The following LNPEP variants were observed in gnomAD, a reference collection of about 807,000 sequenced individuals.
LNPEP encodes the protein leucyl-cystinyl aminopeptidase.
In LNPEP, 64 loss-of-function variants were observed where a neutral mutation model predicts 120.6. The ratio of observed to expected loss-of-function variants is 0.53; its 90% CI spans 0.43 to 0.65. The LOEUF is 0.65. LNPEP is among the 30% of genes least tolerant of loss of function. The probability of loss-of-function intolerance (pLI) is 0.00; values close to 1 mark genes in which losing one functional copy is unlikely to be tolerated. For missense variants in LNPEP, 1,057 were observed against 1,200.0 expected (o/e 0.88, Z 1.76); for synonymous variants, 435 against 425.4 (o/e 1.02, Z -0.28).
chr5:96,998,243 A>T, intron 8 of LNPEP, 98 bp downstream of exon 8: 2 of 981,906 alleles, frequency 2.0e-6, no homozygotes, highest in Non-Finnish European at 3.0e-6. Context: ...TTAAAGATTA[A>T]ATGTTTTTCA....
chr5:97,026,767 TC>T lies in LNPEP; in HGVS notation c.2864+11del. The stretch of plus-strand genomic sequence containing the variant: ...ATAAGCTTGTACAGAAGTAAGTTTC[TC>T]AGAGAATTATTAACTTTTAGTATTC... On this transcript the variant is annotated intron_variant, in intron 16 of 17. Coordinates refer to ENST00000231368, the MANE Select transcript of LNPEP (RefSeq NM_005575.3). 6.2e-7 allele frequency: 1 copy of T among 1,606,072 alleles called. No individual in the cohort carries two copies. Among genetic ancestry groups the T allele is most frequent in the Non-Finnish European group, 8.5e-7 (1 of 1,175,240 alleles).
chr5:96,954,687 T>C (rs867063558), intron 1 of LNPEP, among the ~76,000 whole-genome samples: 15 of 56,826 alleles, frequency 2.6e-4, no homozygotes, highest in East Asian at 9.0e-4. Flanking sequence ...CATATATACA[T>C]ATATACACAT....
chr5:96,978,320 A>G (rs1166719547), intron 1 of LNPEP, among the ~76,000 whole-genome samples: 1 of 152,148 alleles, frequency 6.6e-6, no homozygotes, highest in Non-Finnish European at 1.5e-5. Context: ...GAGATCCACT[A>G]ACACTCATGG....
intron 1 of LNPEP, among the ~76,000 whole-genome samples, chr5:96,948,457 A>G (rs1314185367): frequency 1.3e-5 from 2 of 152,166 alleles, no homozygotes; most frequent in Non-Finnish European, 2.9e-5. Context: ...GCTCCCATTA[A>G]TAAGTATTTT....
At chr5:96,945,958 C>A (rs6871162) in intron 1 of LNPEP, among the ~76,000 whole-genome samples, 61,328 of 151,998 alleles carry the variant, frequency 0.4, 12,451 homozygotes, top group Non-Finnish European at 0.43. Flanking sequence ...TGGTAAAGTG[C>A]TTTGAAGACA....
rs1173579568 is a variant in LNPEP at position 96,954,745 on chromosome 5, T to TACACAC, written c.19+18576_19+18577insCACACA. On this transcript the variant is annotated intron_variant, in intron 1 of 17. Coordinates refer to ENST00000231368, the MANE Select transcript of LNPEP (RefSeq NM_005575.3). The stretch of plus-strand genomic sequence containing the variant: ...ATACATATATATATACATATATATA[T>TACACAC]ACACATATATATATATATATATATA... Among the ~76,000 whole-genome samples the TACACAC allele has an allele frequency of 6.4e-3, 306 of 47,872 alleles. 47 individuals are homozygous for TACACAC. The highest frequency in any genetic ancestry group is 0.018 in the South Asian group (31 of 1,770). The allele number at this position is 47,872 out of a possible 152,430, so 31.4% of individuals were successfully genotyped here.
rs115260434 is a variant in LNPEP at position 97,014,870 on chromosome 5, C to G, written c.2220-69C>G. Reference sequence around the variant, plus strand: ...ACTCACCATCTAACCCTAAGTTTCTCTTTTAGCATGCATAGACTTCTTCTG... The same window carrying G: ...ACTCACCATCTAACCCTAAGTTTCTGTTTTAGCATGCATAGACTTCTTCTG... On this transcript the variant is annotated intron_variant, in intron 12 of 17. Transcript: ENST00000231368. 1,016 of 1,167,532 alleles carry G rather than the reference C, an allele frequency of 8.7e-4. 8 individuals carry two copies. The African/African-American group carries it at 0.014, about 16-fold the overall frequency. The allele number at this position is 1,167,532 out of a possible 1,614,324, so 72.3% of individuals were successfully genotyped here. A position where few individuals can be genotyped will look rare whatever the true frequency, so the allele number is the denominator to read the frequency against.
At position 96,952,628 on chromosome 5, in the gene LNPEP, C is replaced by T. The variant is rs1789350444; in HGVS notation, c.19+16454C>T. Among the ~76,000 whole-genome samples, 2 of 152,290 alleles carry T rather than the reference C, an allele frequency of 1.3e-5. 1 individual carries two copies. Among genetic ancestry groups the T allele is most frequent in the South Asian group, 4.2e-4 (2 of 4,814 alleles). ...CAGATGCCTTGGTTATGTGCGGATTCTACCGTCATTTATTTCAGCCCTAGA... is the reference window on the plus strand; with the variant it reads ...CAGATGCCTTGGTTATGTGCGGATTTTACCGTCATTTATTTCAGCCCTAGA... On this transcript the variant is annotated intron_variant, in intron 1 of 17. Transcript: ENST00000231368.
intron 11 of LNPEP, among the ~76,000 whole-genome samples, chr5:97,012,318 A>G (rs1409526042): frequency 6.6e-6 from 1 of 152,192 alleles, no homozygotes; most frequent in African/African-American, 2.4e-5. Flanking sequence ...CCAAAATGCT[A>G]TCATCGTCTG....
intron 15 of LNPEP, among the ~76,000 whole-genome samples, chr5:97,025,771 A>C (rs914919631): frequency 1.3e-5 from 2 of 152,238 alleles, no homozygotes; most frequent in Non-Finnish European, 2.9e-5. Context: ...GTGAATGATC[A>C]GTCTATGAGA....
At chr5:96,979,009 T>G (rs1790061999) in intron 1 of LNPEP, 129 bp from the exon 2 acceptor site, 1 of 979,310 alleles carries the variant, frequency 1.0e-6, no homozygotes, top group East Asian at 2.6e-5. Context: ...AGCTCTGAGA[T>G]GGAAATAAGT....
At chr5:96,936,206 G>T in intron 1 of LNPEP, 32 bp downstream of exon 1, 1 of 1,423,686 alleles carries the variant, frequency 7.0e-7, no homozygotes. Flanking sequence ...CGGGACCCGG[G>T]CTCTCCGGAG....
chr5:96,973,449 T>G (rs1254094602), intron 1 of LNPEP, among the ~76,000 whole-genome samples: 1 of 152,200 alleles, frequency 6.6e-6, no homozygotes, highest in Non-Finnish European at 1.5e-5. Context: ...TTTTAAGTGC[T>G]GTCCCATACT....
chr5:97,024,379 A>T (rs928570166), intron 14 of LNPEP, 142 bp from the exon 15 acceptor site: 3 of 695,580 alleles, frequency 4.3e-6, no homozygotes, highest in Admixed American at 2.7e-5. Flanking sequence ...ACTGAATTAA[A>T]CTTTTTCTCA....
intron 1 of LNPEP, among the ~76,000 whole-genome samples, chr5:96,943,698 G>A (rs1001985872): frequency 3.3e-5 from 5 of 152,178 alleles, no homozygotes; most frequent in African/African-American, 1.2e-4. Flanking sequence ...ACATGTAAAT[G>A]AGGAGGAAAC....
chr5:96,941,378 C>T (rs1789052273), intron 1 of LNPEP, among the ~76,000 whole-genome samples: 1 of 152,162 alleles, frequency 6.6e-6, no homozygotes, highest in Non-Finnish European at 1.5e-5. Context: ...TGGGGTTGGG[C>T]AAACCTACTG....
intron 11 of LNPEP, chr5:97,010,658 C>T (rs1418554632): frequency 1.0e-6 from 1 of 984,888 alleles, no homozygotes; most frequent in African/African-American, 1.7e-5. Flanking sequence ...TTAAAAATCA[C>T]TGTTAGATTA....
chr5:96,936,298 T>C (rs1788866105), intron 1 of LNPEP, 124 bp downstream of exon 1: 3 of 607,816 alleles, frequency 4.9e-6, no homozygotes, highest in Non-Finnish European at 6.8e-6. Flanking sequence ...CCACGAGGGC[T>C]GAGGGAGGCA....
chr5:96,958,256 A>AT (rs1299606844), intron 1 of LNPEP, among the ~76,000 whole-genome samples: 1 of 152,158 alleles, frequency 6.6e-6, no homozygotes, highest in Non-Finnish European at 1.5e-5. Flanking sequence ...TAGACTTTCA[A>AT]TTTTTTTCCC....
Sources: gnomAD v4.1 joint callset for allele counts (sites outside exome capture counted in the v4.1 genomes callset) on GRCh38, gnomAD v4.1.1 for gene constraint, MANE v1.5 for transcripts, NCBI Gene and HGNC (gene_info 2026-07-23, HGNC 2026-07-21) for gene names.